Variants in CSMD1 observed in about 807,000 individuals in gnomAD.
The protein encoded by CSMD1 is CUB and sushi domain-containing protein 1.
In CSMD1, 213 loss-of-function variants were observed where a neutral mutation model predicts 417.5. The ratio of observed to expected loss-of-function variants is 0.51; its 90% CI spans 0.46 to 0.57. CSMD1 has a LOEUF of 0.57. Ranked by LOEUF, CSMD1 falls within the 20% of genes least tolerant of loss-of-function variation. CSMD1 has a pLI of 0.00. For missense variants in CSMD1, 6,923 were observed against 4,529.7 expected, an observed-to-expected ratio of 1.53 and a Z score of -15.17; for synonymous variants, 2,862 against 1,736.8, an observed-to-expected ratio of 1.65 and a Z score of -16.11.
intron 3 of CSMD1, among the ~76,000 whole-genome samples, chr8:4,398,687 A>G (rs1008585632): frequency 2.6e-5 from 4 of 152,018 alleles, no homozygotes; most frequent in South Asian, 2.1e-4. Context: ...GAGCCATCAC[A>G]CCCGGCCACT....
intron 12 of CSMD1, among the ~76,000 whole-genome samples, chr8:3,416,142 AT>A (rs1176096588): frequency 1.4e-5 from 2 of 145,838 alleles, no homozygotes; most frequent in African/African-American, 5.1e-5. Context: ...TCTACTAAAA[AT>A]ACAAAAAATT....
chr8:4,449,233 GTC>G (rs1304844652), intron 2 of CSMD1, among the ~76,000 whole-genome samples: 1 of 152,156 alleles, frequency 6.6e-6, no homozygotes, highest in Non-Finnish European at 1.5e-5. Flanking sequence ...TAATTACACT[GTC>G]TATGCTTATT....
At chr8:3,212,259 G>A (rs1234776481) in intron 30 of CSMD1, among the ~76,000 whole-genome samples, 2 of 152,124 alleles carry the variant, frequency 1.3e-5, no homozygotes, top group Non-Finnish European at 2.9e-5. Context: ...GTCTCCCAAA[G>A]CAAGTAACAC....
chr8:4,467,691 G>C (rs996588030), intron 2 of CSMD1, among the ~76,000 whole-genome samples: 1 of 152,054 alleles, frequency 6.6e-6, no homozygotes, highest in Non-Finnish European at 1.5e-5. Context: ...AAATAGGGTT[G>C]GACAAGCTAT....
At position 4,039,585 on chromosome 8, in the gene CSMD1, C is replaced by T. The variant is rs575947713; in HGVS notation, c.416-7486G>A. On this transcript the variant is annotated intron_variant, in intron 3 of 69. Transcript: ENST00000635120. ...GGTGGCAGTCATTGAATGCCTTCTA[C>T]TTTCAAAAAGTCTCATTCTCCAGGA... Among the ~76,000 whole-genome samples the T allele has an allele frequency of 2.6e-5, 4 of 152,256 alleles. No homozygotes were observed. In the South Asian group the frequency reaches 8.3e-4, roughly 32 times the overall value.
At chr8:3,593,833 T>G (rs1800968153) in intron 8 of CSMD1, among the ~76,000 whole-genome samples, 1 of 152,156 alleles carries the variant, frequency 6.6e-6, no homozygotes, top group African/African-American at 2.4e-5. Context: ...TCTCCCTATC[T>G]CCCTCTCTCT....
intron 3 of CSMD1, among the ~76,000 whole-genome samples, chr8:4,248,532 GT>G (rs529398036): frequency 6.6e-6 from 1 of 152,262 alleles, no homozygotes; most frequent in South Asian, 2.1e-4. Flanking sequence ...AGGATTTTAG[GT>G]TTTGCCATAG....
intron 3 of CSMD1, among the ~76,000 whole-genome samples, chr8:4,059,919 G>T (rs555433612): frequency 2.0e-5 from 3 of 151,802 alleles, no homozygotes; most frequent in African/African-American, 4.8e-5. Flanking sequence ...TAGAAAAAGA[G>T]GGAATCCTCC....
At chr8:4,003,175 C>A (rs948430414) in intron 4 of CSMD1, among the ~76,000 whole-genome samples, 3 of 152,014 alleles carry the variant, frequency 2.0e-5, no homozygotes, top group Non-Finnish European at 4.4e-5. Flanking sequence ...GGGTGGATCA[C>A]GAGGTCAGGA....
At chr8:4,227,163 C>G (rs2174360) in intron 3 of CSMD1, among the ~76,000 whole-genome samples, 1 of 152,234 alleles carries the variant, frequency 6.6e-6, no homozygotes, top group African/African-American at 2.4e-5. Flanking sequence ...CAGGCTGCCT[C>G]TTTGCCTGCC....
At chr8:3,888,288 A>G (rs867287361) in intron 5 of CSMD1, among the ~76,000 whole-genome samples, 11 of 152,312 alleles carry the variant, frequency 7.2e-5, no homozygotes, top group Middle Eastern at 3.4e-3. Context: ...CCTTGTTAAC[A>G]TAAGCTTGAC....
chr8:4,343,435 G>A (rs1800595031), intron 3 of CSMD1, among the ~76,000 whole-genome samples: 1 of 152,050 alleles, frequency 6.6e-6, no homozygotes. Context: ...ATTAAAAATG[G>A]TCACTATGTG....
Position 3,227,587 on chromosome 8 carries a change from G to A in CSMD1, c.4345+2453C>T, listed in dbSNP as rs1265098289. On this transcript the variant is annotated intron_variant, in intron 27 of 69. Coordinates refer to ENST00000635120, the MANE Select transcript of CSMD1 (RefSeq NM_033225.6). The stretch of plus-strand genomic sequence containing the variant: ...GGGACTAGAAAGATCAATATTGGTA[G>A]ATTCAAACAAATAGATACTAGAGAG... Among the ~76,000 whole-genome samples the A allele has an allele frequency of 2.0e-5, 3 of 152,066 alleles. No individual in the cohort carries two copies. In the East Asian group the frequency reaches 5.8e-4, roughly 29 times the overall value.
At chr8:3,693,200 C>T (rs1472419598) in intron 7 of CSMD1, among the ~76,000 whole-genome samples, 2 of 152,144 alleles carry the variant, frequency 1.3e-5, no homozygotes, top group Non-Finnish European at 2.9e-5. Context: ...TGAATCAATA[C>T]TGTTCATCAA....
At chr8:4,661,338 A>C (rs1329647694) in intron 1 of CSMD1, among the ~76,000 whole-genome samples, 2 of 152,222 alleles carry the variant, frequency 1.3e-5, no homozygotes, top group Non-Finnish European at 2.9e-5. Flanking sequence ...TACATGCCAT[A>C]TACTGGATAC....
intron 5 of CSMD1, among the ~76,000 whole-genome samples, chr8:3,759,952 G>T (rs1215092995): frequency 6.7e-6 from 1 of 150,116 alleles, no homozygotes; most frequent in African/African-American, 2.4e-5. Context: ...TAATGGTAGT[G>T]ATCAACCAAT....
At chr8:4,104,614 G>C (rs1801475344) in intron 3 of CSMD1, among the ~76,000 whole-genome samples, 1 of 152,106 alleles carries the variant, frequency 6.6e-6, no homozygotes, top group Non-Finnish European at 1.5e-5. Context: ...CTGAATTAGA[G>C]TGTCTGGAAT....
At chr8:4,232,180 C>G (rs895491821) in intron 3 of CSMD1, among the ~76,000 whole-genome samples, 2 of 152,084 alleles carry the variant, frequency 1.3e-5, no homozygotes, top group Admixed American at 6.5e-5. Flanking sequence ...TTGAGAAACA[C>G]TTGTCCTTTA....
Position 3,703,435 on chromosome 8 carries a change from T to TA in CSMD1, c.1009+4978_1009+4979insT, listed in dbSNP as rs1800983867. On this transcript the variant is annotated intron_variant, in intron 7 of 69. Transcript: ENST00000635120. Reference sequence around the variant, plus strand: ...CAAAGCACAGAGATTCCTTTCTCCCTTTTCATTCATTCATTCATTCATTCA... The same window carrying TA: ...CAAAGCACAGAGATTCCTTTCTCCCTATTTCATTCATTCATTCATTCATTCA... Among the ~76,000 whole-genome samples the TA allele has an allele frequency of 4.2e-5, 5 of 118,700 alleles. No individual in the cohort carries two copies. The Admixed American group carries it at 4.8e-4, about 11-fold the overall frequency. The allele number at this position is 118,700 out of a possible 152,430, so 77.9% of individuals were successfully genotyped here.
Sources: gnomAD v4.1 joint callset for allele counts (sites outside exome capture counted in the v4.1 genomes callset) on GRCh38, gnomAD v4.1.1 for gene constraint, MANE v1.5 for transcripts, NCBI Gene and HGNC (gene_info 2026-07-23, HGNC 2026-07-21) for gene names.